The following CACNB4 variants were observed in gnomAD, a reference collection of about 807,000 sequenced individuals.
The protein encoded by CACNB4 is calcium voltage-gated channel auxiliary subunit beta 4.
In CACNB4, 32 loss-of-function variants were observed where a neutral mutation model predicts 71.2. The ratio of observed to expected loss-of-function variants is 0.45; its 90% CI spans 0.34 to 0.60. The LOEUF (loss-of-function observed/expected upper bound fraction) is 0.60, where lower values mean the gene tolerates loss of function less well. CACNB4 is among the 20% of genes least tolerant of loss of function. The probability of loss-of-function intolerance (pLI) is 0.01; values close to 1 mark genes in which losing one functional copy is unlikely to be tolerated. For synonymous variants in CACNB4, 231 were observed against 236.9 expected, an observed-to-expected ratio of 0.97 and a Z score of 0.23; for missense variants, 464 against 647.9, an observed-to-expected ratio of 0.72 and a Z score of 3.08.
intron 12 of CACNB4, chr2:151,851,353 A>T (rs1018326491): frequency 1.3e-5 from 2 of 152,230 alleles, no homozygotes; most frequent in Admixed American, 1.3e-4. Context: ...GCTAAGTACA[A>T]GGTAACCTTA....
intron 2 of CACNB4, among the ~76,000 whole-genome samples, chr2:151,885,996 A>G (rs193014377): frequency 1.3e-5 from 2 of 151,920 alleles, no homozygotes; most frequent in Admixed American, 1.3e-4. Context: ...TTTTTTTTGT[A>G]GAGAGAGGGC....
intron 2 of CACNB4, among the ~76,000 whole-genome samples, chr2:152,047,535 T>C (rs978757828): frequency 7.9e-5 from 12 of 152,246 alleles, no homozygotes; most frequent in African/African-American, 2.7e-4. Flanking sequence ...TACCCATGTA[T>C]TGATTTACGA....
chr2:151,986,431 T>C (rs1388434858), intron 2 of CACNB4, among the ~76,000 whole-genome samples: 1 of 152,180 alleles, frequency 6.6e-6, no homozygotes, highest in Non-Finnish European at 1.5e-5. Flanking sequence ...TACCGATTTA[T>C]GATGAGGTTT....
chr2:152,011,262 A>T (rs1258431076), intron 2 of CACNB4, among the ~76,000 whole-genome samples: 3 of 152,036 alleles, frequency 2.0e-5, no homozygotes, highest in African/African-American at 7.2e-5. Context: ...CTGGTATAGA[A>T]CCCTCCAGTA....
At chr2:151,920,026 G>A (rs1449704036) in intron 2 of CACNB4, among the ~76,000 whole-genome samples, 1 of 152,132 alleles carries the variant, frequency 6.6e-6, no homozygotes, top group African/African-American at 2.4e-5. Context: ...CAAGTTAAAT[G>A]CCTTGCAATT....
intron 2 of CACNB4, among the ~76,000 whole-genome samples, chr2:152,031,485 T>C (rs974956585): frequency 6.6e-6 from 1 of 152,174 alleles, no homozygotes. Context: ...AATATCCCAC[T>C]GTTGACGGGT....
chr2:151,990,704 G>A (rs1237176465), intron 2 of CACNB4, among the ~76,000 whole-genome samples: 1 of 152,138 alleles, frequency 6.6e-6, no homozygotes, highest in African/African-American at 2.4e-5. Flanking sequence ...AATACACCAT[G>A]GGCACAACTC....
chr2:151,943,433 G>A (rs907349451), intron 2 of CACNB4, among the ~76,000 whole-genome samples: 1 of 152,072 alleles, frequency 6.6e-6, no homozygotes, highest in African/African-American at 2.4e-5. Context: ...ATGACAGATG[G>A]AAAATCTATA....
At chr2:151,853,419 T>G (rs781174780) in intron 12 of CACNB4, 29 bp downstream of exon 12, 2 of 1,384,396 alleles carry the variant, frequency 1.4e-6, no homozygotes, top group Admixed American at 4.3e-5. Flanking sequence ...TAGTCAAGAA[T>G]GATGAAGACA....
intron 2 of CACNB4, among the ~76,000 whole-genome samples, chr2:152,064,254 G>A (rs1422003846): frequency 1.3e-5 from 2 of 152,210 alleles, no homozygotes; most frequent in African/African-American, 4.8e-5. Context: ...TGGCAGCCCA[G>A]GGAGAAGGCA....
intron 4 of CACNB4, among the ~76,000 whole-genome samples, chr2:151,878,723 T>G (rs1434180152): frequency 6.6e-6 from 1 of 152,144 alleles, no homozygotes; most frequent in Admixed American, 6.6e-5. Context: ...TACTACACAA[T>G]TAGCTAGTGT....
intron 9 of CACNB4, chr2:151,865,689 C>A (rs1357406905): frequency 1.3e-5 from 2 of 152,134 alleles, no homozygotes; most frequent in Admixed American, 6.6e-5. Flanking sequence ...GTGTCGTCGT[C>A]AGCACAGGAA....
intron 2 of CACNB4, among the ~76,000 whole-genome samples, chr2:152,014,004 C>A (rs1420310625): frequency 6.6e-6 from 1 of 152,146 alleles, no homozygotes; most frequent in Non-Finnish European, 1.5e-5. Flanking sequence ...ATGACACTAC[C>A]CTGTTACATG....
intron 2 of CACNB4, among the ~76,000 whole-genome samples, chr2:152,074,780 C>T (rs1686917593): frequency 6.6e-6 from 1 of 151,830 alleles, no homozygotes; most frequent in Non-Finnish European, 1.5e-5. Context: ...CCACCCAACC[C>T]TTACCAAGCA....
intron 2 of CACNB4, among the ~76,000 whole-genome samples, chr2:151,991,194 G>A (rs75586725): frequency 0.12 from 18,539 of 152,210 alleles, 1,486 homozygotes; most frequent in East Asian, 0.25. Context: ...TCTGAACACT[G>A]GAGGTGAGCA....
intron 2 of CACNB4, among the ~76,000 whole-genome samples, chr2:151,917,275 C>T (rs4664507): frequency 0.93 from 142,017 of 152,214 alleles, 66,567 homozygotes; most frequent in East Asian, 0.99. Flanking sequence ...TGGAAGGCAC[C>T]GGGAAAACTC....
intron 2 of CACNB4, among the ~76,000 whole-genome samples, chr2:152,070,628 A>C (rs1427716266): frequency 2.0e-5 from 3 of 152,214 alleles, no homozygotes; most frequent in Non-Finnish European, 4.4e-5. Flanking sequence ...CCCCTAAGTG[A>C]AGTGTAGTAC....
At chr2:151,895,094 CCCCACACACACACACACACACACACA>C (rs1482374493) in intron 2 of CACNB4, among the ~76,000 whole-genome samples, 9 of 132,828 alleles carry the variant, frequency 6.8e-5, no homozygotes, top group Admixed American at 2.2e-4. Context: ...ACTCAAATAG[CCCCACACACACACACACACACACACA>C]CACACACACA....
At position 151,842,073 on chromosome 2, in the gene CACNB4, T is replaced by C. The variant is rs764226021; in HGVS notation, c.1132A>G (p.Ile378Val). 4 of 1,613,818 alleles carry C rather than the reference T, an allele frequency of 2.5e-6. No individual in the cohort carries two copies. The highest frequency in any genetic ancestry group is 3.4e-6 in the Non-Finnish European group (4 of 1,179,780). ...AQCPPEMFDV[I>V]LDENQLEDAC... ...TCCTCAAGCTGATTTTCATCCAATATAACATCAAACATTTCCTGTAGATGA... is the reference window on the plus strand; with the variant it reads ...TCCTCAAGCTGATTTTCATCCAATACAACATCAAACATTTCCTGTAGATGA... The change falls in exon 13 of 14, where the codon ATA (isoleucine) becomes GTA (valine). Residue 378 changes from isoleucine to valine, a missense_variant. Physicochemically the swap from Ile to Val is conservative, Grantham distance 29. Around this residue, in one of 3 missense-constraint regions of CACNB4, gnomAD observed 299 missense variants for 471.7 expected, o/e 0.63. Transcript: ENST00000539935.
Sources: allele counts gnomAD v4.1 joint callset (sites outside exome capture counted in the v4.1 genomes callset), GRCh38; gene constraint gnomAD v4.1.1; regional missense constraint gnomAD v4.1.1; transcripts MANE v1.5; gene names NCBI Gene and HGNC (gene_info 2026-07-23, HGNC 2026-07-21).